Variants in EZR observed in about 807,000 individuals in gnomAD.
The protein encoded by EZR is cytovillin 2.
In EZR, 40 loss-of-function variants were observed where a neutral mutation model predicts 74.8. The observed-to-expected ratio is 0.53, with a 90% confidence interval of 0.42 to 0.70. The LOEUF (loss-of-function observed/expected upper bound fraction) is 0.70. Among genes scored for constraint, EZR ranks in the 30% least tolerant of loss-of-function variants. The pLI is 0.00. For synonymous variants in EZR, 341 were observed against 283.3 expected, an observed-to-expected ratio of 1.20 and a Z score of -2.05; for missense variants, 678 against 755.8, an observed-to-expected ratio of 0.90 and a Z score of 1.21.
rs1052560490 is a variant in EZR at position 158,806,349 on chromosome 6, T to C, written c.12+11733A>G. Among the ~76,000 whole-genome samples, 6 of 152,204 alleles carry C rather than the reference T, an allele frequency of 3.9e-5. No individual in the cohort carries two copies. The East Asian group carries it at 7.7e-4, about 19-fold the overall frequency. ...CTCCCTTTCTACCCTATAACATGCTTTTTAAAAGCAAATATTCTATTATGG... is the reference window on the plus strand; with the variant it reads ...CTCCCTTTCTACCCTATAACATGCTCTTTAAAAGCAAATATTCTATTATGG... On this transcript the variant is annotated intron_variant, in intron 2 of 13. Transcript: ENST00000367075.
chr6:158,810,846 A>AACGGAGAC (rs1176460651), intron 2 of EZR, among the ~76,000 whole-genome samples: 1 of 152,230 alleles, frequency 6.6e-6, no homozygotes, highest in Admixed American at 6.5e-5. Flanking sequence ...TTCACTGATA[A>AACGGAGAC]AAACTTTGTC....
chr6:158,785,681 G>T, intron 4 of EZR, 98 bp from the exon 5 acceptor site: 1 of 1,445,834 alleles, frequency 6.9e-7, no homozygotes, highest in Non-Finnish European at 9.4e-7. Context: ...GGGCCCTCAA[G>T]CCAGTTTTCA....
chr6:158,780,520 G>T (rs573978178), intron 7 of EZR, among the ~76,000 whole-genome samples: 1 of 152,104 alleles, frequency 6.6e-6, no homozygotes, highest in South Asian at 2.1e-4. Context: ...GTACCTATCC[G>T]CAAGGAATTT....
rs2128564103 is a variant in EZR, at chr6:158,769,317, C to T, written c.1344+9G>A. Reference sequence around the variant, plus strand: ...TGGCCGTGCGGAGGTGTCCCCCGTGCAGACTCACCCTGTGCTGCCACTCTT... The same window carrying T: ...TGGCCGTGCGGAGGTGTCCCCCGTGTAGACTCACCCTGTGCTGCCACTCTT... On this transcript the variant is annotated intron_variant, in intron 12 of 13. Coordinates refer to ENST00000367075, the MANE Select transcript of EZR (RefSeq NM_001111077.2). 6.2e-7 allele frequency: 1 copy of T among 1,607,854 alleles called. No homozygotes were observed.
Position 158,769,398 on chromosome 6 carries a change from G to T in EZR, c.1272C>A (p.Tyr424Ter). 1 of 1,607,608 alleles carries T rather than the reference G, an allele frequency of 6.2e-7. No individual in the cohort carries two copies. Residue 424 changes from tyrosine to a stop codon, truncating the protein, a stop_gained, in exon 12 of 14, where the codon TAC becomes TAA. Coordinates refer to ENST00000367075, the MANE Select transcript of EZR (RefSeq NM_001111077.2). LOFTEE classifies it high-confidence loss of function. ...CTTCCAGGAGGGCAATCTTGGCAGT[G>T]TATTCTGCAAGCTCCGCAGCCTGGG... Reference protein sequence around the residue: ...QEQLAAELAEYTAKIALLEEA... With the variant: ...QEQLAAELAE
intron 7 of EZR, among the ~76,000 whole-genome samples, 158 bp downstream of exon 7, chr6:158,783,362 G>A (rs1716590474): frequency 1.2e-5 from 1 of 86,236 alleles, no homozygotes; most frequent in Admixed American, 1.0e-4. Context: ...CCCTTTGAGA[G>A]GGCCACAGCA....
intron 8 of EZR, among the ~76,000 whole-genome samples, chr6:158,775,899 G>A (rs933538449): frequency 2.6e-5 from 4 of 152,206 alleles, no homozygotes; most frequent in African/African-American, 9.7e-5. Flanking sequence ...CAAAATGACT[G>A]CCTGCCAGTG....
At chr6:158,782,533 T>C (rs898844385) in intron 7 of EZR, among the ~76,000 whole-genome samples, 7 of 152,244 alleles carry the variant, frequency 4.6e-5, no homozygotes, top group African/African-American at 1.7e-4. Flanking sequence ...TGGGCCACTC[T>C]GCTCTTTACG....
chr6:158,778,479 CA>C (rs1213803092), intron 7 of EZR, among the ~76,000 whole-genome samples: 1 of 152,126 alleles, frequency 6.6e-6, no homozygotes, highest in African/African-American at 2.4e-5. Context: ...AATTCTTGAC[CA>C]AAGTTGGAAA....
chr6:158,789,137 C>A (rs1791664294), intron 3 of EZR, 151 bp downstream of exon 3: 1 of 619,152 alleles, frequency 1.6e-6, no homozygotes, highest in Non-Finnish European at 2.8e-6. Flanking sequence ...ATAATGCTAT[C>A]ATGAAATACT....
intron 2 of EZR, among the ~76,000 whole-genome samples, chr6:158,815,246 C>T (rs1438007681): frequency 4.6e-5 from 7 of 152,180 alleles, no homozygotes; most frequent in African/African-American, 1.7e-4. Context: ...CCAAACCAAA[C>T]CAAAACTAAC....
chr6:158,770,577 C>T (rs1451989710), intron 10 of EZR, among the ~76,000 whole-genome samples, 187 bp downstream of exon 10: 1 of 152,146 alleles, frequency 6.6e-6, no homozygotes, highest in Non-Finnish European at 1.5e-5. Context: ...GAACAACTAG[C>T]ATCAAAGTTA....
At position 158,770,009 on chromosome 6, in the gene EZR, C is replaced by T. The variant is rs565295115; in HGVS notation, c.1091-65G>A. On this transcript the variant is annotated intron_variant, in intron 10 of 13. Coordinates refer to ENST00000367075, the MANE Select transcript of EZR (RefSeq NM_001111077.2). The stretch of plus-strand genomic sequence containing the variant: ...CCAGGGACCTAGGAGCCCTCGCTTT[C>T]CATTCCCACCCCCAAAGCCACAGAG... 25 of 1,579,566 alleles carry T rather than the reference C, an allele frequency of 1.6e-5. 1 individual carries two copies. In the South Asian group the frequency reaches 2.8e-4, roughly 18 times the overall value.
chr6:158,796,446 T>C (rs572447075), intron 2 of EZR, among the ~76,000 whole-genome samples: 1 of 152,358 alleles, frequency 6.6e-6, no homozygotes, highest in South Asian at 2.1e-4. Flanking sequence ...CCAGCCTCAC[T>C]CAGGCCAACC....
chr6:158,766,861 G>GC lies in EZR; in HGVS notation c.*52_*53insG. The GC allele has an allele frequency of 6.5e-7, 1 of 1,549,376 alleles. No homozygotes were observed. Among genetic ancestry groups the GC allele is most frequent in the South Asian group, 1.1e-5 (1 of 87,076 alleles). On this transcript the variant is annotated 3_prime_UTR_variant, in exon 14 of 14. Transcript: ENST00000367075. The stretch of plus-strand genomic sequence containing the variant: ...AGCACTAAAGACACAAGCGTGGCGG[G>GC]GCTGGCAGCGCCCGCTATGAGCACC...
chr6:158,771,215 C>T lies in EZR; in HGVS notation c.959+29G>A, dbSNP rs532076023. On this transcript the variant is annotated intron_variant, in intron 9 of 13. Transcript: ENST00000367075. ...AGTGGCTGAGTTGGGAGAACACAGG[C>T]CCCCCCCACTCTGGCCTCACGCGCT... is the stretch of plus-strand genomic sequence containing the variant. The T allele has an allele frequency of 5.8e-6, 9 of 1,559,598 alleles. No homozygotes were observed. In the Admixed American group the frequency reaches 7.2e-5, roughly 13 times the overall value.
chr6:158,812,307 G>C (rs1022028226), intron 2 of EZR, among the ~76,000 whole-genome samples: 26 of 152,098 alleles, frequency 1.7e-4, no homozygotes, highest in African/African-American at 6.3e-4. Context: ...AAATCACACT[G>C]GGCTTGATTG....
chr6:158,785,389 A>G lies in EZR; in HGVS notation c.387T>C (p.Ala129=). 1.9e-6 allele frequency: 3 copies of G among 1,614,216 alleles called. No homozygotes were observed. The highest frequency in any genetic ancestry group is 3.3e-4 in the Middle Eastern group (2 of 6,060). The stretch of plus-strand genomic sequence containing the variant: ...TGTAGTCCCCAAACTTGGCCTGCAC[A>G]GCGTAGGACCCCAAGAGCACGGCAG... ...PETAVLLGSY[A]VQAKFGDYNK... is the part of the protein sequence containing the mutation. The change falls in exon 5 of 14, where the codon GCT becomes GCC. Residue 129 remains alanine (A), a synonymous_variant. Transcript: ENST00000367075.
chr6:158,800,148 A>T (rs778206031), intron 2 of EZR, among the ~76,000 whole-genome samples: 2 of 152,238 alleles, frequency 1.3e-5, no homozygotes, highest in Non-Finnish European at 2.9e-5. Flanking sequence ...TATGTTGCTA[A>T]AGGTATTTAT....
Sources: allele counts gnomAD v4.1 joint callset (sites outside exome capture counted in the v4.1 genomes callset), GRCh38; gene constraint gnomAD v4.1.1; transcripts MANE v1.5; gene names NCBI Gene and HGNC (gene_info 2026-07-23, HGNC 2026-07-21).